Variants in PTGR2 observed in about 807,000 individuals in gnomAD.
PTGR2 encodes prostaglandin reductase 2.
PTGR2 carries 32 observed loss-of-function variants against 43.4 expected under a neutral mutation model. That is an observed-to-expected ratio of 0.74 (90% confidence interval 0.56 to 0.99). The LOEUF is 0.99. Ranked by LOEUF, PTGR2 falls within the 50% of genes least tolerant of loss-of-function variation. The pLI, the probability that PTGR2 is intolerant of heterozygous loss-of-function variation, is 0.00. For missense variants in PTGR2, 373 were observed against 420.0 expected (o/e 0.89, Z 0.98); for synonymous variants, 106 against 139.2 (o/e 0.76, Z 1.68).
At chr14:73,857,667 T>TTTTTTTTTG (rs2054386275) in intron 1 of PTGR2, among the ~76,000 whole-genome samples, 3 of 111,558 alleles carry the variant, frequency 2.7e-5, no homozygotes, top group South Asian at 3.9e-4. Flanking sequence ...AGTTAGTGTT[T>TTTTTTTTTG]TTTTTTTTTT....
chr14:73,868,731 GTTACCTACCCTGCC>G (rs929508192), intron 3 of PTGR2, among the ~76,000 whole-genome samples: 1 of 151,508 alleles, frequency 6.6e-6, no homozygotes, highest in African/African-American at 2.4e-5. Flanking sequence ...TATACTCAAG[GTTACCTACCCTGCC>G]TTGCCCGTTC....
At chr14:73,875,852 T>C (rs1169523334) in intron 4 of PTGR2, among the ~76,000 whole-genome samples, 1 of 146,790 alleles carries the variant, frequency 6.8e-6, no homozygotes, top group Admixed American at 7.0e-5. Context: ...GATGGAGTCT[T>C]GCTTTGTCGC....
At chr14:73,870,047 A>AT (rs1260123598) in intron 3 of PTGR2, among the ~76,000 whole-genome samples, 1 of 151,934 alleles carries the variant, frequency 6.6e-6, no homozygotes, top group African/African-American at 2.4e-5. Flanking sequence ...AAAAAAAAGA[A>AT]TCAGCTGGGC....
intron 1 of PTGR2, among the ~76,000 whole-genome samples, chr14:73,857,238 G>GTTT (rs200670094): frequency 0.03 from 4,372 of 144,458 alleles, 193 homozygotes; most frequent in African/African-American, 0.098. Flanking sequence ...AGGAATTTCC[G>GTTT]TTTTTTTTTT....
chr14:73,873,295 G>A (rs912406913), intron 3 of PTGR2, among the ~76,000 whole-genome samples: 12 of 151,282 alleles, frequency 7.9e-5, no homozygotes, highest in African/African-American at 2.2e-4. Context: ...CAAAGAGAGC[G>A]AAACTCCATG....
At chr14:73,883,374 T>C (rs1389028270) in intron 9 of PTGR2, among the ~76,000 whole-genome samples, 1 of 137,336 alleles carries the variant, frequency 7.3e-6, no homozygotes, top group East Asian at 2.2e-4. Context: ...TTTTTTTTTT[T>C]AATTTTCCAT....
At chr14:73,861,628 C>T (rs1045239563) in intron 3 of PTGR2, 2 of 151,940 alleles carry the variant, frequency 1.3e-5, no homozygotes, top group African/African-American at 4.8e-5. Context: ...CCTAGCTACT[C>T]GAGAGGCTGA....
rs761006775 is a variant in PTGR2, at chr14:73,879,192, A to G, written c.616A>G (p.Ile206Val). Residue 206 changes from isoleucine to valine, a missense_variant, in exon 6 of 10, where the codon ATT becomes GTT. Transcript: ENST00000555661. ...CTCAGAACTGGGCTTTGATGCTGCA[A>G]TTAATTATAAAAAAGACAATGTGGC... ...LTSELGFDAA[I>V]NYKKDNVAEQ... 25 of 1,613,852 alleles carry G rather than the reference A, an allele frequency of 1.5e-5. No individual in the cohort carries two copies. The highest frequency in any genetic ancestry group is 2.1e-5 in the Non-Finnish European group (25 of 1,179,976).
rs75892130 is a variant in PTGR2 at position 73,874,224 on chromosome 14, A to T, written c.348+10A>T. 1.3e-6 allele frequency: 2 copies of T among 1,579,206 alleles called. No individual in the cohort carries two copies. Among genetic ancestry groups the T allele is most frequent in the South Asian group, 2.3e-5 (2 of 87,038 alleles). ...AAATAGCCTTGAAAAGGTGATATATATATGAACATATCTGATTTTTTTTCC... is the reference window on the plus strand; with the variant it reads ...AAATAGCCTTGAAAAGGTGATATATTTATGAACATATCTGATTTTTTTTCC... On this transcript the variant is annotated intron_variant, in intron 4 of 9. Coordinates refer to ENST00000555661, the MANE Select transcript of PTGR2 (RefSeq NM_001146154.2).
At position 73,860,516 on chromosome 14, in the gene PTGR2, T is replaced by C. The variant is rs376381397; in HGVS notation, c.38-23T>C. 70 of 1,244,078 alleles carry C rather than the reference T, an allele frequency of 5.6e-5. 3 individuals are homozygous for C. In the African/African-American group the frequency reaches 1.0e-3, roughly 18 times the overall value. 77.1% of individuals were successfully genotyped at this position (1,244,078 alleles called of 1,614,324 possible). On this transcript the variant is annotated intron_variant, in intron 2 of 9. Coordinates refer to ENST00000555661, the MANE Select transcript of PTGR2 (RefSeq NM_001146154.2). Reference sequence around the variant, plus strand: ...ATAGCAAAGTGGCTTTTTTTAACTTTATATTTTTGCATAATATTTTAGGAA... The same window carrying C: ...ATAGCAAAGTGGCTTTTTTTAACTTCATATTTTTGCATAATATTTTAGGAA...
At chr14:73,852,339 G>A (rs1236933516) in intron 1 of PTGR2, among the ~76,000 whole-genome samples, 1 of 152,160 alleles carries the variant, frequency 6.6e-6, no homozygotes, top group Admixed American at 6.6e-5. Context: ...TCGGCTCACT[G>A]CAGCCTCCAT....
intron 1 of PTGR2, among the ~76,000 whole-genome samples, chr14:73,854,125 A>T (rs2054290569): frequency 6.6e-6 from 1 of 151,902 alleles, no homozygotes. Context: ...TTTTTGAGAC[A>T]AAGTTTCGCT....
Position 73,879,251 on chromosome 14 carries a change from G to T in PTGR2, c.675G>T (p.Val225=), listed in dbSNP as rs1347610427. The T allele has an allele frequency of 6.2e-7, 1 of 1,614,040 alleles. No homozygotes were observed. Residue 225 remains valine (V), a synonymous_variant, in exon 6 of 10, where the codon GTG becomes GTT. Coordinates refer to ENST00000555661, the MANE Select transcript of PTGR2 (RefSeq NM_001146154.2). ...EQLRESCPAG[V]DVYFDNVGGN... ...TCCGTGAATCATGCCCAGCTGGAGT[G>T]GATGTTTATTTTGACAATGTTGGTG... is the stretch of plus-strand genomic sequence containing the variant.
chr14:73,879,861 T>G (rs1009593854), intron 6 of PTGR2, 194 bp from the exon 7 acceptor site: 1 of 519,896 alleles, frequency 1.9e-6, no homozygotes, highest in Non-Finnish European at 3.5e-6. Flanking sequence ...ACCATTTATT[T>G]GCCTTGGTGT....
chr14:73,855,823 C>T (rs866322519), intron 1 of PTGR2, among the ~76,000 whole-genome samples: 3 of 149,238 alleles, frequency 2.0e-5, no homozygotes, highest in Non-Finnish European at 4.5e-5. Context: ...TTTGGGAGGC[C>T]GAGGCGGGTG....
intron 3 of PTGR2, among the ~76,000 whole-genome samples, chr14:73,867,845 C>T (rs2054637562): frequency 6.6e-6 from 1 of 152,184 alleles, no homozygotes; most frequent in South Asian, 2.1e-4. Context: ...CACTTTGCCC[C>T]TTTAAGCCAT....
At chr14:73,866,763 C>T (rs891677933) in intron 3 of PTGR2, among the ~76,000 whole-genome samples, 2 of 152,040 alleles carry the variant, frequency 1.3e-5, no homozygotes, top group African/African-American at 2.4e-5. Flanking sequence ...TGGGCATCAT[C>T]CAGTCCATTG....
chr14:73,878,670 G>T, intron 5 of PTGR2: 3 of 465,828 alleles, frequency 6.4e-6, no homozygotes, highest in South Asian at 4.9e-5. Flanking sequence ...TTTTGACAAT[G>T]ACCATAAGGG....
chr14:73,875,933 G>T (rs2054853491), intron 4 of PTGR2, among the ~76,000 whole-genome samples: 1 of 146,128 alleles, frequency 6.8e-6, no homozygotes, highest in Admixed American at 7.2e-5. Context: ...ACAATTCTCT[G>T]CCTCAGCCTT....
Sources: allele counts gnomAD v4.1 joint callset (sites outside exome capture counted in the v4.1 genomes callset), GRCh38; gene constraint gnomAD v4.1.1; transcripts MANE v1.5; gene names NCBI Gene and HGNC (gene_info 2026-07-23, HGNC 2026-07-21).